IDI1: variants seen among roughly 807,000 people sequenced by gnomAD.
IDI1 encodes isopentenyl-diphosphate delta isomerase 1.
A neutral mutation model predicts 32.9 loss-of-function variants in IDI1; 23 were observed. The observed-to-expected ratio is 0.70, with a 90% confidence interval of 0.50 to 0.99. IDI1 has a LOEUF of 0.99. Among genes scored for constraint, IDI1 ranks in the 50% least tolerant of loss-of-function variants. IDI1 has a pLI of 0.00. For missense variants in IDI1, 326 were observed against 351.9 expected, an observed-to-expected ratio of 0.93 and a Z score of 0.59; for synonymous variants, 133 against 128.2, an observed-to-expected ratio of 1.04 and a Z score of -0.25.
At position 1,043,378 on chromosome 10, in the gene IDI1, G is replaced by C. The variant is rs1459169299; in HGVS notation, c.329C>G (p.Ala110Gly). 7 of 1,604,836 alleles carry C rather than the reference G, an allele frequency of 4.4e-6. No homozygotes were observed. Among genetic ancestry groups the C allele is most frequent in the Non-Finnish European group, 6.0e-6 (7 of 1,171,548 alleles). ...ENIEKGLLHR[A>G]FSVFLFNTEN... Reference sequence around the variant, plus strand: ...GGTGTTGAATAAGAAGACACTAAAAGCTCGATGCAATAATCCTGAAAGCAA... The same window carrying C: ...GGTGTTGAATAAGAAGACACTAAAACCTCGATGCAATAATCCTGAAAGCAA... Residue 110 changes from alanine to glycine, a missense_variant, in exon 3 of 5, where the codon GCT becomes GGT. Ala to Gly is a moderately conservative substitution (Grantham distance 60, BLOSUM62 0). Coordinates refer to ENST00000381344, the MANE Select transcript of IDI1 (RefSeq NM_004508.4).
At chr10:1,055,818 AT>A in the IDI1 span, among the ~76,000 whole-genome samples, 1 of 149,114 alleles carries the variant, frequency 6.7e-6, no homozygotes, top group Non-Finnish European at 1.5e-5. Flanking sequence ...GAGCTTCCTT[AT>A]TTTTTTTTGG....
chr10:1,054,737 A>C, the IDI1 span, among the ~76,000 whole-genome samples: 1 of 152,220 alleles, frequency 6.6e-6, no homozygotes, highest in Non-Finnish European at 1.5e-5. Context: ...CCCCTTTCAA[A>C]TTCATGTGTT....
At position 1,043,871 on chromosome 10, in the gene IDI1, C is replaced by T. The variant is rs906522174; in HGVS notation, c.313+128G>A. On this transcript the variant is annotated intron_variant, in intron 2 of 4. Coordinates refer to ENST00000381344, the MANE Select transcript of IDI1 (RefSeq NM_004508.4). The stretch of plus-strand genomic sequence containing the variant: ...AGATGCTAATGACCACACTATTTAA[C>T]GAACTGGAACCAACGAGAAAATACG... 1.5e-4 allele frequency: 117 copies of T among 773,080 alleles called. No homozygotes were observed. The Admixed American group carries it at 2.5e-3, about 17-fold the overall frequency. 47.9% of individuals were successfully genotyped at this position (773,080 alleles called of 1,614,324 possible).
chr10:1,056,266 G>A, the IDI1 span: 7 of 152,192 alleles, frequency 4.6e-5, no homozygotes, highest in African/African-American at 1.7e-4. Context: ...ATCATGCGAC[G>A]TTTCCAACCT....
upstream of IDI1, among the ~76,000 whole-genome samples, chr10:1,050,961 ATTC>A (rs1832995143): frequency 6.6e-6 from 1 of 152,230 alleles, no homozygotes; most frequent in Non-Finnish European, 1.5e-5. Flanking sequence ...TATCTTGGTT[ATTC>A]TTTTTCGATA....
In IDI1 at chr10:1,048,870, A is replaced by T; in HGVS notation, c.134T>A (p.Leu45Gln). 6.2e-7 allele frequency: 1 copy of T among 1,605,996 alleles called. No individual in the cohort carries two copies. The highest frequency in any genetic ancestry group is 8.5e-7 in the Non-Finnish European group (1 of 1,177,194). ...CGCCGCCCGTCCACAGTACCTGATC[A>T]GCCTCCGGCCACAGACAACCGCCGG... ...PGPAVVCGRRLISVLEQIRHF... is the reference protein window; with the variant it reads ...PGPAVVCGRRQISVLEQIRHF... Residue 45 changes from leucine to glutamine, a missense_variant, in exon 1 of 5, where the codon CTG becomes CAG. By Grantham distance (113) the Leu-to-Gln change is moderately radical (BLOSUM62 -2). This residue lies in a region of IDI1 where 121 missense variants were observed against 78.4 expected (regional missense o/e 1.54). Coordinates refer to ENST00000381344, the MANE Select transcript of IDI1 (RefSeq NM_004508.4).
chr10:1,056,142 T>C, the IDI1 span, among the ~76,000 whole-genome samples: 2 of 152,056 alleles, frequency 1.3e-5, no homozygotes, highest in African/African-American at 4.8e-5. Context: ...GCAGGAATGT[T>C]AACCTACACA....
chr10:1,041,408 C>A lies in IDI1; in HGVS notation c.634G>T (p.Val212Leu). 6.2e-7 allele frequency: 1 copy of A among 1,610,676 alleles called. No individual in the cohort carries two copies. Among genetic ancestry groups the A allele is most frequent in the South Asian group, 1.1e-5 (1 of 91,012 alleles). ...GGATTCAAAGTTACATTCTTCCTCA[C>A]CAACAAAATGTAATCAATTTCATGT... The part of the protein sequence containing the change: ...GEHEIDYILL[V>L]RKNVTLNPDP... Residue 212 changes from valine to leucine, a missense_variant, in exon 5 of 5, where the codon GTG becomes TTG. Physicochemically the swap from Val to Leu is conservative, Grantham distance 32 (BLOSUM62 1). Transcript: ENST00000381344.
At chr10:1,043,716 A>C (rs1184647473) in intron 2 of IDI1, 10 of 646,858 alleles carry the variant, frequency 1.5e-5, no homozygotes, top group Middle Eastern at 2.4e-4. Flanking sequence ...ACTCTCTAGA[A>C]ATATTAGAGG....
At chr10:1,043,793 G>A (rs1384989130) in intron 2 of IDI1, 8 of 677,078 alleles carry the variant, frequency 1.2e-5, no homozygotes, top group East Asian at 2.8e-5. Context: ...TGAAGAAGCC[G>A]AGTAACAGGC....
At chr10:1,049,468 C>G (rs1170726449), upstream of IDI1, 277 of 63,642 alleles carry the variant, frequency 4.4e-3, 1 homozygote, top group Non-Finnish European at 8.5e-3. Flanking sequence ...GGCACTCCCC[C>G]CCCTCCCCCC....
chr10:1,054,406 C>T, the IDI1 span, among the ~76,000 whole-genome samples: 16 of 152,302 alleles, frequency 1.1e-4, no homozygotes, highest in Admixed American at 1.0e-3. Context: ...TTAAAATAAT[C>T]AGTAATGAGG....
chr10:1,041,484 A>C lies in IDI1; in HGVS notation c.558T>G (p.Asn186Lys). 1.9e-6 allele frequency: 3 copies of C among 1,572,878 alleles called. No homozygotes were observed. Among genetic ancestry groups the C allele is most frequent in the Non-Finnish European group, 2.6e-6 (3 of 1,155,404 alleles). The change falls in exon 5 of 5, where the codon AAT (asparagine) becomes AAG (lysine). Residue 186 changes from asparagine to lysine, a missense_variant. Physicochemically the swap from Asn to Lys is moderately conservative, Grantham distance 94. Coordinates refer to ENST00000381344, the MANE Select transcript of IDI1 (RefSeq NM_004508.4). ...PLEEVPPEEI[N>K]YLTRIHYKAQ... The stretch of plus-strand genomic sequence containing the variant: ...CTTTGTAGTGAATTCGTGTTAAATA[A>C]TTAATTTCTTCTGGAGGAACCTAAG...
At chr10:1,041,574 C>T (rs1564483204) in intron 4 of IDI1, 70 bp from the exon 5 acceptor site, 5 of 792,102 alleles carry the variant, frequency 6.3e-6, no homozygotes. Flanking sequence ...AAAATTAGCT[C>T]ACTGTATTAC....
intron 1 of IDI1, among the ~76,000 whole-genome samples, chr10:1,048,034 A>G (rs1436762205): frequency 1.3e-5 from 2 of 151,760 alleles, no homozygotes; most frequent in African/African-American, 4.8e-5. Context: ...TTCCGGGGGG[A>G]TGGGGCTGGG....
chr10:1,043,452 C>A (rs1832683581), intron 2 of IDI1, 59 bp from the exon 3 acceptor site: 4 of 1,020,662 alleles, frequency 3.9e-6, no homozygotes, highest in Non-Finnish European at 6.3e-6. Context: ...TTGCCAAATT[C>A]TCTCCCTGCA....
At chr10:1,052,395 C>T (rs564902525), upstream of IDI1, among the ~76,000 whole-genome samples, 4 of 152,284 alleles carry the variant, frequency 2.6e-5, no homozygotes, top group Non-Finnish European at 4.4e-5. Flanking sequence ...GTTACATCTT[C>T]GGGCAGCCAT....
rs528259267 is a variant in IDI1, at chr10:1,043,925, C to G, written c.313+74G>C. The stretch of plus-strand genomic sequence containing the variant: ...TTACTGAAGACTGCACTTCCTTGAA[C>G]AGAGTGCTCTTCTCAGCAAATCGGA... On this transcript the variant is annotated intron_variant, in intron 2 of 4. Coordinates refer to ENST00000381344, the MANE Select transcript of IDI1 (RefSeq NM_004508.4). The G allele has an allele frequency of 5.9e-5, 76 of 1,278,588 alleles. No individual in the cohort carries two copies. In the African/African-American group the frequency reaches 1.1e-3, roughly 18 times the overall value. The allele number at this position is 1,278,588 out of a possible 1,614,324, so 79.2% of individuals were successfully genotyped here. A position where few individuals can be genotyped will look rare whatever the true frequency, so the allele number is the denominator to read the frequency against.
intron 1 of IDI1, 196 bp downstream of exon 1, chr10:1,048,668 G>C: frequency 7.1e-7 from 1 of 1,410,292 alleles, no homozygotes; most frequent in Non-Finnish European, 9.2e-7. Context: ...CACGGGGCGC[G>C]GGCGCCCACC....
Sources: gnomAD v4.1 joint callset for allele counts (sites outside exome capture counted in the v4.1 genomes callset) on GRCh38, gnomAD v4.1.1 for gene constraint, gnomAD v4.1.1 regional missense constraint, MANE v1.5 for transcripts, NCBI Gene and HGNC (gene_info 2026-07-23, HGNC 2026-07-21) for gene names.